Variants in GADD45A observed in about 807,000 individuals in gnomAD.
The protein encoded by GADD45A is growth arrest and DNA damage inducible alpha, also known as growth arrest and DNA damage-inducible protein GADD45 alpha.
In GADD45A, 9 loss-of-function variants were observed where a neutral mutation model predicts 17.7. That is an observed-to-expected ratio of 0.51 (90% CI 0.31 to 0.89). GADD45A has a LOEUF of 0.89. Ranked by LOEUF, GADD45A falls within the 40% of genes least tolerant of loss-of-function variation. The probability of loss-of-function intolerance (pLI) is 0.05; values close to 1 mark genes in which losing one functional copy is unlikely to be tolerated. For missense variants in GADD45A, 149 were observed against 220.6 expected (o/e 0.68, Z 2.06); for synonymous variants, 95 against 92.2 (o/e 1.03, Z -0.17).
chr1:67,686,793 T>C (rs909445708), intron 3 of GADD45A, among the ~76,000 whole-genome samples: 1 of 152,212 alleles, frequency 6.6e-6, no homozygotes, highest in African/African-American at 2.4e-5. Context: ...CTAAGCATGC[T>C]GGGGACTGCC....
intron 3 of GADD45A, among the ~76,000 whole-genome samples, chr1:67,687,439 T>G (rs961678971): frequency 6.6e-6 from 1 of 152,330 alleles, no homozygotes; most frequent in East Asian, 1.9e-4. Flanking sequence ...TTGGGTTGCA[T>G]GGGTTCAGAC....
In GADD45A at chr1:67,686,130, AGT is replaced by A; in HGVS notation, c.146+6_146+7del. The A allele has an allele frequency of 1.2e-6, 2 of 1,606,798 alleles. No individual in the cohort carries two copies. Among genetic ancestry groups the A allele is most frequent in the Non-Finnish European group, 1.7e-6 (2 of 1,175,914 alleles). On this transcript the variant is annotated splice_donor_5th_base_variant and intron_variant, in intron 2 of 3. Coordinates refer to ENST00000370986, the MANE Select transcript of GADD45A (RefSeq NM_001924.4). ...AAGCGGCCAAGCTGCTCAACGTGTA[AGT>A]GGGGCCCTTGCGCGTCCCCCATGGC...
At chr1:67,687,526 T>A (rs924642100) in intron 3 of GADD45A, 135 bp from the exon 4 acceptor site, 1 of 623,046 alleles carries the variant, frequency 1.6e-6, no homozygotes, top group Non-Finnish European at 2.8e-6. Flanking sequence ...GAAACTTTAA[T>A]TTTTTTGTGC....
At chr1:67,686,660 T>G (rs1348595280) in intron 3 of GADD45A, 73 bp downstream of exon 3, 1 of 1,352,602 alleles carries the variant, frequency 7.4e-7, no homozygotes. Context: ...GGTTGCCTGA[T>G]TGTGGATCTG....
intron 1 of GADD45A, 72 bp from the exon 2 acceptor site, chr1:67,685,953 C>T (rs78045165): frequency 4.1e-6 from 4 of 983,130 alleles, no homozygotes; most frequent in African/African-American, 1.7e-5. Flanking sequence ...GGCGTGGTAC[C>T]GGACGAGGGG....
chr1:67,685,981 G>C (rs1306308149), intron 1 of GADD45A, 44 bp from the exon 2 acceptor site: 2 of 1,350,640 alleles, frequency 1.5e-6, no homozygotes. Flanking sequence ...ATGGCCCCGA[G>C]GGCACCGGGG....
chr1:67,685,566 C>A, intron 1 of GADD45A, 28 bp downstream of exon 1: 1 of 1,591,724 alleles, frequency 6.3e-7, no homozygotes, highest in South Asian at 1.1e-5. Context: ...CTCTTCCGGC[C>A]CGAACTTCTC....
chr1:67,686,822 T>G (rs558506775), intron 3 of GADD45A, among the ~76,000 whole-genome samples: 46 of 152,358 alleles, frequency 3.0e-4, no homozygotes, highest in African/African-American at 9.6e-4. Context: ...AAGAGATCCC[T>G]GTGAGTCAGC....
Position 67,685,362 on chromosome 1 carries a change from C to A in GADD45A, c.-133C>A. ...GGAGCCCGGGCGGGCGAGGGGCGGC[C>A]GGAGAGCGCCAGGGCCTGAGCTGCC... is the stretch of plus-strand genomic sequence containing the variant. On this transcript the variant is annotated 5_prime_UTR_variant, in exon 1 of 4. Transcript: ENST00000370986. 1.3e-6 allele frequency: 1 copy of A among 749,596 alleles called. No individual in the cohort carries two copies. The highest frequency in any genetic ancestry group is 2.1e-6 in the Non-Finnish European group (1 of 469,746). 46.4% of individuals were successfully genotyped at this position (749,596 alleles called of 1,614,324 possible).
chr1:67,685,729 C>T, intron 1 of GADD45A, 191 bp downstream of exon 1: 1 of 637,570 alleles, frequency 1.6e-6, no homozygotes, highest in Non-Finnish European at 2.7e-6. Flanking sequence ...CCAACCCGAA[C>T]GAGCCCCGCC....
In GADD45A at chr1:67,685,471, C is replaced by G; in HGVS notation, c.-24C>G. On this transcript the variant is annotated 5_prime_UTR_variant, in exon 1 of 4. Coordinates refer to ENST00000370986, the MANE Select transcript of GADD45A (RefSeq NM_001924.4). ...AGCAGCCCGCACGCCGCGCTCTCTC[C>G]CTGGGCGACCTGCAGTTTGCAATAT... 6.2e-7 allele frequency: 1 copy of G among 1,603,912 alleles called. No individual in the cohort carries two copies. Among genetic ancestry groups the G allele is most frequent in the Non-Finnish European group, 8.5e-7 (1 of 1,174,780 alleles).
In GADD45A at chr1:67,687,841, C is replaced by T. The variant is rs1157415035; in HGVS notation, c.*67C>T. 2.0e-6 allele frequency: 2 copies of T among 996,068 alleles called. No individual in the cohort carries two copies. The highest frequency in any genetic ancestry group is 3.2e-5 in the African/African-American group (2 of 62,958). The allele number at this position is 996,068 out of a possible 1,614,324, so 61.7% of individuals were successfully genotyped here. ...TTTTTGAAATACCTTTGTAGTTACT[C>T]AAGCAGTTACTCCCTACACTGATGC... On this transcript the variant is annotated 3_prime_UTR_variant, in exon 4 of 4. Coordinates refer to ENST00000370986, the MANE Select transcript of GADD45A (RefSeq NM_001924.4).
At chr1:67,687,552 A>G in intron 3 of GADD45A, 109 bp from the exon 4 acceptor site, 4 of 700,386 alleles carry the variant, frequency 5.7e-6, no homozygotes, top group African/African-American at 1.8e-5. Flanking sequence ...ATTTGTCTCC[A>G]TGTCACATAG....
chr1:67,686,250 G>A lies in GADD45A; in HGVS notation c.147-100G>A, dbSNP rs967867776. Reference sequence around the variant, plus strand: ...TGTCGCTTTTCTGCCTGTCTCGGAAGGGAGGGGGCGAGCGGGCCGGGCGGC... The same window carrying A: ...TGTCGCTTTTCTGCCTGTCTCGGAAAGGAGGGGGCGAGCGGGCCGGGCGGC... On this transcript the variant is annotated intron_variant, in intron 2 of 3. Transcript: ENST00000370986. 1.9e-4 allele frequency: 259 copies of A among 1,376,108 alleles called. 2 individuals are homozygous for A. Among genetic ancestry groups the A allele is most frequent in the Non-Finnish European group, 2.3e-4 (232 of 1,000,820 alleles). 85.2% of individuals were successfully genotyped at this position (1,376,108 alleles called of 1,614,324 possible). A position where few individuals can be genotyped will look rare whatever the true frequency, so the allele number is the denominator to read the frequency against.
intron 3 of GADD45A, among the ~76,000 whole-genome samples, chr1:67,686,954 A>G (rs1254370976): frequency 6.6e-6 from 1 of 152,220 alleles, no homozygotes; most frequent in Non-Finnish European, 1.5e-5. Flanking sequence ...AGTCAGCTTC[A>G]TTCTCTGCCA....
At chr1:67,687,404 T>C (rs1468523657) in intron 3 of GADD45A, among the ~76,000 whole-genome samples, 1 of 152,244 alleles carries the variant, frequency 6.6e-6, no homozygotes, top group Non-Finnish European at 1.5e-5. Context: ...TGAACAGATA[T>C]GCAAACATAT....
Position 67,687,897 on chromosome 1 carries a change from G to A in GADD45A, c.*123G>A. 1 of 645,830 alleles carries A rather than the reference G, an allele frequency of 1.5e-6. No homozygotes were observed. The highest frequency in any genetic ancestry group is 2.8e-6 in the Non-Finnish European group (1 of 362,676). The allele number at this position is 645,830 out of a possible 1,614,324, so 40.0% of individuals were successfully genotyped here. ...TTACAGAAACTGATGCCAAGGGGCT[G>A]AGTGAGTTCAACTACATGTTCTGGG... On this transcript the variant is annotated 3_prime_UTR_variant, in exon 4 of 4. Transcript: ENST00000370986.
chr1:67,685,776 C>A, intron 1 of GADD45A: 1 of 596,918 alleles, frequency 1.7e-6, no homozygotes, highest in Non-Finnish European at 3.0e-6. Context: ...CCGTCGCTGC[C>A]CGTGCGGCTC....
intron 3 of GADD45A, among the ~76,000 whole-genome samples, chr1:67,687,127 G>C (rs962227478): frequency 2.0e-5 from 3 of 151,000 alleles, no homozygotes; most frequent in African/African-American, 4.9e-5. Context: ...GGGAAGTTAT[G>C]TTTTCAGGGG....
Sources: allele counts gnomAD v4.1 joint callset (sites outside exome capture counted in the v4.1 genomes callset), GRCh38; gene constraint gnomAD v4.1.1; transcripts MANE v1.5; gene names NCBI Gene and HGNC (gene_info 2026-07-23, HGNC 2026-07-21).